Variants in PTPRA observed in about 807,000 individuals in gnomAD.
The protein encoded by PTPRA is protein tyrosine phosphatase receptor type A.
In PTPRA, 25 loss-of-function variants were observed where a neutral mutation model predicts 104.8. The observed-to-expected ratio is 0.24, with a 90% CI of 0.17 to 0.33. The LOEUF (loss-of-function observed/expected upper bound fraction) is 0.33. PTPRA is among the 10% of genes least tolerant of loss of function. PTPRA has a pLI of 1.00. For synonymous variants in PTPRA, 323 were observed against 368.9 expected (o/e 0.88, Z 1.43); for missense variants, 765 against 1,015.3 (o/e 0.75, Z 3.35).
At chr20:2,952,771 A>C (rs1355210280) in intron 3 of PTPRA, among the ~76,000 whole-genome samples, 1 of 152,116 alleles carries the variant, frequency 6.6e-6, no homozygotes, top group Non-Finnish European at 1.5e-5. Context: ...TTCCTTCTCT[A>C]TGAGTTTGAC....
At chr20:2,929,287 T>G (rs1197872274) in intron 2 of PTPRA, among the ~76,000 whole-genome samples, 1 of 152,166 alleles carries the variant, frequency 6.6e-6, no homozygotes, top group East Asian at 1.9e-4. Flanking sequence ...TAAACTAGTC[T>G]TCTCCCCGCT....
chr20:2,973,210 T>C (rs2062266993), intron 5 of PTPRA, among the ~76,000 whole-genome samples: 1 of 152,140 alleles, frequency 6.6e-6, no homozygotes, highest in Admixed American at 6.5e-5. Context: ...AACTTGCTAT[T>C]GTGCATTTAT....
chr20:3,014,407 G>A (rs961127244), intron 11 of PTPRA, among the ~76,000 whole-genome samples: 13 of 152,176 alleles, frequency 8.5e-5, no homozygotes, highest in Middle Eastern at 3.4e-3. Flanking sequence ...GGAGGCCAAG[G>A]TGGGCGGATC....
intron 1 of PTPRA, among the ~76,000 whole-genome samples, chr20:2,906,097 G>T (rs964730716): frequency 1.3e-5 from 2 of 152,062 alleles, no homozygotes; most frequent in Non-Finnish European, 2.9e-5. Context: ...GGATATGATG[G>T]GTTATGGATA....
chr20:2,910,240 T>G (rs28852734), intron 1 of PTPRA, among the ~76,000 whole-genome samples: 1 of 129,504 alleles, frequency 7.7e-6, no homozygotes, highest in Non-Finnish European at 1.5e-5. Flanking sequence ...TATTGTATAT[T>G]ATATATAATA....
the PTPRA span, chr20:2,864,259 G>C: frequency 6.2e-7 from 1 of 1,614,246 alleles, no homozygotes; most frequent in East Asian, 2.2e-5. This position sits in a 1 kb window ranked among gnomAD's most constrained non-coding sequence, Gnocchi z 5.2. Flanking sequence ...CACTAAGCAA[G>C]GCCATCGAGA....
intron 13 of PTPRA, 60 bp from the exon 14 acceptor site, chr20:3,021,249 T>C (rs2064852539): frequency 6.2e-7 from 1 of 1,607,284 alleles, no homozygotes; most frequent in African/African-American, 1.3e-5. Flanking sequence ...TTCCAGGCCC[T>C]TTGCATCTGC....
chr20:3,012,167 A>G (rs987070433), intron 11 of PTPRA, among the ~76,000 whole-genome samples: 4 of 152,184 alleles, frequency 2.6e-5, no homozygotes, highest in Non-Finnish European at 5.9e-5. Context: ...AGCGGTTTTG[A>G]TGAATTTATC....
At chr20:2,996,818 G>A (rs973597714) in intron 9 of PTPRA, among the ~76,000 whole-genome samples, 5 of 152,156 alleles carry the variant, frequency 3.3e-5, no homozygotes, top group African/African-American at 9.7e-5. Flanking sequence ...ATCAAATGTG[G>A]ACAAAAGTAT....
At chr20:3,014,586 G>A (rs1016734583) in intron 11 of PTPRA, among the ~76,000 whole-genome samples, 1 of 151,816 alleles carries the variant, frequency 6.6e-6, no homozygotes, top group African/African-American at 2.4e-5. Flanking sequence ...GAAGGTTGCC[G>A]TGAGCCAAGA....
intron 5 of PTPRA, among the ~76,000 whole-genome samples, chr20:2,971,722 T>C (rs2062195983): frequency 6.6e-6 from 1 of 152,206 alleles, no homozygotes; most frequent in African/African-American, 2.4e-5. Context: ...AATGAGCGTT[T>C]ATGTTAGGAA....
intron 1 of PTPRA, among the ~76,000 whole-genome samples, chr20:2,890,696 GTCTT>G (rs1175580767): frequency 5.3e-5 from 8 of 152,168 alleles, no homozygotes; most frequent in African/African-American, 1.9e-4. Context: ...CAACTTTACA[GTCTT>G]TATTCCCTGA....
At chr20:2,923,336 T>C in intron 2 of PTPRA, 51 bp downstream of exon 2, 3 of 1,211,312 alleles carry the variant, frequency 2.5e-6, no homozygotes, top group Non-Finnish European at 3.2e-6. Context: ...AGCCAAGTAG[T>C]GTCCTTAAAT....
chr20:2,878,587 A>G (rs1447132294), intron 1 of PTPRA, among the ~76,000 whole-genome samples: 2 of 151,982 alleles, frequency 1.3e-5, no homozygotes, highest in African/African-American at 4.8e-5. Context: ...GTACTTTTAT[A>G]CCCCTTGTTC....
Position 2,962,620 on chromosome 20 carries a change from T to C in PTPRA, c.-6-1652T>C, listed in dbSNP as rs1190343467. The stretch of plus-strand genomic sequence containing the variant: ...ATTTTGGATTAGGCTCAGGTAGTAA[T>C]TGAGCTGGGTTCTGCCAGAGATCCA... On this transcript the variant is annotated intron_variant, in intron 3 of 23. Coordinates refer to ENST00000399903, the MANE Select transcript of PTPRA (RefSeq NM_001385305.1). 2.0e-5 allele frequency among the ~76,000 whole-genome samples: 3 copies of C among 152,318 alleles called. No individual in the cohort carries two copies. In the East Asian group the frequency reaches 5.8e-4, roughly 29 times the overall value.
chr20:2,892,420 G>C (rs533607329), intron 1 of PTPRA, among the ~76,000 whole-genome samples: 2 of 152,090 alleles, frequency 1.3e-5, no homozygotes, highest in South Asian at 4.1e-4. Context: ...TGGTGGGAAA[G>C]CTGGTGTGAT....
intron 1 of PTPRA, among the ~76,000 whole-genome samples, chr20:2,874,189 C>T (rs1210402175): frequency 1.5e-5 from 2 of 137,796 alleles, no homozygotes; most frequent in Non-Finnish European, 3.1e-5. Context: ...CCACCTCCCT[C>T]GGTCCCCCGG....
chr20:3,035,450 T>C lies in PTPRA; in HGVS notation c.1921-135T>C. The C allele has an allele frequency of 9.6e-7, 1 of 1,045,574 alleles. No homozygotes were observed. The highest frequency in any genetic ancestry group is 2.7e-5 in the Admixed American group (1 of 37,434). The allele number at this position is 1,045,574 out of a possible 1,614,324, so 64.8% of individuals were successfully genotyped here. On this transcript the variant is annotated intron_variant, in intron 20 of 23. Transcript: ENST00000399903. The surrounding 1 kb of genome is among the most constrained non-coding windows in gnomAD (Gnocchi z 5.8). ...TGATGTGATATAATGATCCTGCAAG[T>C]TTTCAATACCTTGGGGACGAAGCGT...
At chr20:2,919,529 C>G (rs1294248688) in intron 1 of PTPRA, among the ~76,000 whole-genome samples, 1 of 152,082 alleles carries the variant, frequency 6.6e-6, no homozygotes, top group African/African-American at 2.4e-5. Flanking sequence ...AGACACAGTC[C>G]TTACCCTCAA....
Sources: allele counts gnomAD v4.1 joint callset (sites outside exome capture counted in the v4.1 genomes callset), GRCh38; gene constraint gnomAD v4.1.1; non-coding constraint Gnocchi (gnomAD v3.1); transcripts MANE v1.5; gene names NCBI Gene and HGNC (gene_info 2026-07-23, HGNC 2026-07-21).